Variants in ANKH observed in about 807,000 individuals in gnomAD.
ANKH encodes ANKH inorganic pyrophosphate transport regulator, also known as mineralization regulator ANKH.
A neutral mutation model predicts 49.0 loss-of-function variants in ANKH; 15 were observed. That is an observed-to-expected ratio of 0.31 (90% confidence interval 0.20 to 0.47). The LOEUF is 0.47. ANKH is among the 20% of genes least tolerant of loss of function. ANKH has a pLI of 1.00. For missense variants in ANKH, 429 were observed against 652.0 expected, an observed-to-expected ratio of 0.66 and a Z score of 3.72; for synonymous variants, 273 against 260.0, an observed-to-expected ratio of 1.05 and a Z score of -0.48.
At chr5:14,824,300 A>G (rs1434798890) in intron 1 of ANKH, among the ~76,000 whole-genome samples, 1 of 152,238 alleles carries the variant, frequency 6.6e-6, no homozygotes, top group East Asian at 1.9e-4. Context: ...TCTGCTGCAT[A>G]CGATGTATTC....
intron 9 of ANKH, among the ~76,000 whole-genome samples, chr5:14,714,717 T>C (rs970642407): frequency 6.6e-6 from 1 of 152,282 alleles, no homozygotes; most frequent in Admixed American, 6.5e-5. Context: ...CCCAGGCATA[T>C]GCTAAACTGG....
chr5:14,859,464 G>A (rs138717082), intron 1 of ANKH, among the ~76,000 whole-genome samples: 2,014 of 152,198 alleles, frequency 0.013, 20 homozygotes, highest in Non-Finnish European at 0.018. Context: ...ATGATCAACA[G>A]TACACATAAT....
rs1735839165 is a variant in ANKH at position 14,871,758 on chromosome 5, C to T, written c.-311G>A. ...CGGCGGCAGAAGGTTCTGCTGACAG[C>T]GGCTCCATTATAAGCGCTCTGGGGC... On this transcript the variant is annotated 5_prime_UTR_variant, in exon 1 of 12. Transcript: ENST00000284268. The T allele has an allele frequency of 2.0e-5, 3 of 151,348 alleles. No individual in the cohort carries two copies. The highest frequency in any genetic ancestry group is 4.2e-5 in the Non-Finnish European group (3 of 70,640). The allele number at this position is 151,348 out of a possible 1,614,324, so 9.4% of individuals were successfully genotyped here. A position where few individuals can be genotyped will look rare whatever the true frequency, so the allele number is the denominator to read the frequency against.
rs1300895867 is a variant in ANKH, at chr5:14,711,823, T to C, written c.1366-513A>G. Among the ~76,000 whole-genome samples, 4 of 152,216 alleles carry C rather than the reference T, an allele frequency of 2.6e-5. No homozygotes were observed. In the East Asian group the frequency reaches 7.7e-4, roughly 29 times the overall value. ...CCTGCCATGTTGCCTGTTCTTACAA[T>C]AAATGGCCTCTCAGGGATCAGGTTC... On this transcript the variant is annotated intron_variant, in intron 11 of 11. Transcript: ENST00000284268.
intron 5 of ANKH, among the ~76,000 whole-genome samples, chr5:14,750,243 A>G (rs753527522): frequency 6.6e-6 from 1 of 152,244 alleles, no homozygotes; most frequent in Non-Finnish European, 1.5e-5. Flanking sequence ...AAACCTAATG[A>G]TGTCTCATAC....
chr5:14,805,193 C>A (rs937865663), intron 1 of ANKH, among the ~76,000 whole-genome samples: 1 of 151,848 alleles, frequency 6.6e-6, no homozygotes, highest in Non-Finnish European at 1.5e-5. Flanking sequence ...AAAGGAGAGA[C>A]TGGCCTAGCC....
At chr5:14,728,764 T>C (rs995308642) in intron 8 of ANKH, among the ~76,000 whole-genome samples, 24 of 152,220 alleles carry the variant, frequency 1.6e-4, no homozygotes, top group African/African-American at 5.8e-4. Flanking sequence ...TCCTGTCGGA[T>C]GGCAAGTTTT....
chr5:14,780,179 C>T (rs1409992467), intron 1 of ANKH, among the ~76,000 whole-genome samples: 1 of 151,710 alleles, frequency 6.6e-6, no homozygotes, highest in Non-Finnish European at 1.5e-5. Flanking sequence ...AGTGGCTGTG[C>T]AAGTCAGGAC....
intron 1 of ANKH, among the ~76,000 whole-genome samples, chr5:14,846,671 G>A (rs1580113958): frequency 6.6e-6 from 1 of 152,220 alleles, no homozygotes; most frequent in East Asian, 1.9e-4. Context: ...ACATACATTT[G>A]ACACCCAGGG....
intron 1 of ANKH, among the ~76,000 whole-genome samples, chr5:14,778,331 G>A (rs1253151092): frequency 6.6e-6 from 1 of 152,090 alleles, no homozygotes; most frequent in Non-Finnish European, 1.5e-5. Context: ...ATCCCTTCTA[G>A]CCCCTTAGAT....
chr5:14,723,699 T>C (rs575146964), intron 8 of ANKH, among the ~76,000 whole-genome samples: 180 of 152,330 alleles, frequency 1.2e-3, no homozygotes, highest in African/African-American at 4.1e-3. Context: ...TTCTCTGTTA[T>C]TTGACAGACT....
At chr5:14,871,087 C>T (rs1028014664) in intron 1 of ANKH, 10 of 595,844 alleles carry the variant, frequency 1.7e-5, no homozygotes, top group Non-Finnish European at 3.2e-5. Context: ...CTGCCGTGCA[C>T]TAAAAACCCT....
At chr5:14,748,905 C>T (rs1392239917) in intron 6 of ANKH, among the ~76,000 whole-genome samples, 1 of 152,246 alleles carries the variant, frequency 6.6e-6, no homozygotes, top group Non-Finnish European at 1.5e-5. Context: ...GTGTCTTTAA[C>T]CTTTTCTTTC....
At chr5:14,763,430 AAC>A (rs1739152080) in intron 2 of ANKH, among the ~76,000 whole-genome samples, 1 of 152,216 alleles carries the variant, frequency 6.6e-6, no homozygotes, top group Non-Finnish European at 1.5e-5. Flanking sequence ...TGCACACTCT[AAC>A]ACAGCTGTGA....
At chr5:14,812,316 C>T (rs542229271) in intron 1 of ANKH, among the ~76,000 whole-genome samples, 5 of 152,078 alleles carry the variant, frequency 3.3e-5, no homozygotes, top group Non-Finnish European at 5.9e-5. Context: ...GGGGACCATG[C>T]TCTCAAAACC....
intron 2 of ANKH, among the ~76,000 whole-genome samples, chr5:14,759,532 C>T (rs1739004624): frequency 6.6e-6 from 1 of 151,988 alleles, no homozygotes; most frequent in East Asian, 1.9e-4. Flanking sequence ...AGAAAGATTG[C>T]TTAGCCTAAG....
intron 1 of ANKH, among the ~76,000 whole-genome samples, chr5:14,826,832 T>G (rs1426490434): frequency 6.6e-6 from 1 of 152,240 alleles, no homozygotes; most frequent in Non-Finnish European, 1.5e-5. Context: ...ATGTTCTGAC[T>G]AACATCCATG....
intron 1 of ANKH, among the ~76,000 whole-genome samples, chr5:14,818,781 C>A (rs1741117639): frequency 6.6e-6 from 1 of 151,362 alleles, no homozygotes; most frequent in African/African-American, 2.4e-5. Context: ...GCCCTTGATT[C>A]TTTTACAAAG....
intron 1 of ANKH, among the ~76,000 whole-genome samples, chr5:14,786,436 G>A (rs1328094479): frequency 6.6e-6 from 1 of 152,090 alleles, no homozygotes. Flanking sequence ...TTTGGACCTG[G>A]GCAAAATGAG....
Sources: gnomAD v4.1 joint callset for allele counts (sites outside exome capture counted in the v4.1 genomes callset) on GRCh38, gnomAD v4.1.1 for gene constraint, MANE v1.5 for transcripts, NCBI Gene and HGNC (gene_info 2026-07-23, HGNC 2026-07-21) for gene names.